Variants in OPCML observed in about 807,000 individuals in gnomAD.
OPCML encodes opioid-binding protein/cell adhesion molecule.
In OPCML, 13 loss-of-function variants were observed where a neutral mutation model predicts 37.8. That is an observed-to-expected ratio of 0.34 (90% CI 0.22 to 0.55). The LOEUF is 0.55. Among genes scored for constraint, OPCML ranks in the 20% least tolerant of loss-of-function variants. The pLI is 0.91. For missense variants in OPCML, 341 were observed against 435.6 expected, an observed-to-expected ratio of 0.78 and a Z score of 1.93; for synonymous variants, 176 against 168.8, an observed-to-expected ratio of 1.04 and a Z score of -0.33.
chr11:133,324,659 G>A (rs890457595), intron 1 of OPCML, among the ~76,000 whole-genome samples: 1 of 152,162 alleles, frequency 6.6e-6, no homozygotes, highest in Non-Finnish European at 1.5e-5. Context: ...GGCAGCGGGG[G>A]CAGGCCTTGT....
At chr11:132,903,231 A>G (rs1944124691) in intron 2 of OPCML, among the ~76,000 whole-genome samples, 1 of 152,232 alleles carries the variant, frequency 6.6e-6, no homozygotes, top group Non-Finnish European at 1.5e-5. Context: ...CAAAGAGGGC[A>G]GAAGGGAAGC....
intron 3 of OPCML, among the ~76,000 whole-genome samples, chr11:132,567,228 A>G (rs763208782): frequency 1.3e-5 from 2 of 152,108 alleles, no homozygotes; most frequent in Admixed American, 6.5e-5. Flanking sequence ...CCCAGTTCTC[A>G]TGGTGAAAAA....
At chr11:133,039,606 A>G (rs1947847910) in intron 1 of OPCML, among the ~76,000 whole-genome samples, 1 of 152,096 alleles carries the variant, frequency 6.6e-6, no homozygotes, top group Non-Finnish European at 1.5e-5. Flanking sequence ...CATTACAAGA[A>G]GCTCCCCAGA....
At chr11:132,619,765 T>C (rs893964034) in intron 3 of OPCML, among the ~76,000 whole-genome samples, 18 of 145,252 alleles carry the variant, frequency 1.2e-4, no homozygotes, top group Non-Finnish European at 2.4e-4. Context: ...GGCAGGAGAA[T>C]GGCATGAACC....
chr11:132,810,623 G>A (rs1939286293), intron 2 of OPCML, among the ~76,000 whole-genome samples: 1 of 152,168 alleles, frequency 6.6e-6, no homozygotes, highest in South Asian at 2.1e-4. Flanking sequence ...CCTGGGAGGT[G>A]GAGATTGCAG....
At chr11:132,794,857 A>G (rs1030579282) in intron 2 of OPCML, among the ~76,000 whole-genome samples, 1 of 151,818 alleles carries the variant, frequency 6.6e-6, no homozygotes, top group East Asian at 1.9e-4. Context: ...AGTGAACCCA[A>G]TTTGACCTAT....
intron 2 of OPCML, among the ~76,000 whole-genome samples, chr11:132,784,252 G>T (rs999945085): frequency 6.6e-6 from 1 of 152,154 alleles, no homozygotes; most frequent in South Asian, 2.1e-4. Flanking sequence ...ACTAACCAAG[G>T]CTTGATTAAT....
chr11:132,559,780 C>T (rs1473108589), intron 3 of OPCML, among the ~76,000 whole-genome samples: 2 of 152,122 alleles, frequency 1.3e-5, no homozygotes, highest in Non-Finnish European at 2.9e-5. Context: ...TGTCCTGTTC[C>T]TCCTAGTGCC....
chr11:133,071,061 G>A (rs552416762), intron 1 of OPCML, among the ~76,000 whole-genome samples: 3 of 152,308 alleles, frequency 2.0e-5, no homozygotes, highest in South Asian at 4.1e-4. Context: ...CGTTCTTAGA[G>A]GCTCCAATGA....
At chr11:132,892,754 C>A (rs1047701428) in intron 2 of OPCML, among the ~76,000 whole-genome samples, 2 of 151,964 alleles carry the variant, frequency 1.3e-5, no homozygotes, top group African/African-American at 2.4e-5. Context: ...GCGACAAGAG[C>A]AAGACTCCAT....
intron 7 of OPCML, among the ~76,000 whole-genome samples, chr11:132,434,961 CCA>C (rs1401722158): frequency 6.6e-6 from 1 of 152,136 alleles, no homozygotes; most frequent in Admixed American, 6.5e-5. Flanking sequence ...TAAAGCTATT[CCA>C]CAGAGTGCAT....
chr11:133,310,449 C>A (rs540013987), intron 1 of OPCML, among the ~76,000 whole-genome samples: 1 of 152,210 alleles, frequency 6.6e-6, no homozygotes, highest in South Asian at 2.1e-4. Flanking sequence ...AGGTAATTGG[C>A]AGAATGGATA....
chr11:133,523,476 C>T (rs1030265375), intron 1 of OPCML, among the ~76,000 whole-genome samples: 6 of 152,190 alleles, frequency 3.9e-5, no homozygotes, highest in African/African-American at 1.4e-4. Flanking sequence ...TTCCAAGGCA[C>T]AGCCATCTCC....
At chr11:133,375,563 C>A (rs988214656) in intron 1 of OPCML, among the ~76,000 whole-genome samples, 4 of 152,162 alleles carry the variant, frequency 2.6e-5, no homozygotes, top group South Asian at 2.1e-4. Context: ...GGTCTGGGAT[C>A]ATGCCCTGAT....
intron 1 of OPCML, chr11:133,026,707 C>T (rs1947561704): frequency 8.7e-6 from 4 of 459,080 alleles, no homozygotes; most frequent in East Asian, 1.6e-4. Context: ...AGCAGTAATT[C>T]ATCTGCAACA....
intron 1 of OPCML, among the ~76,000 whole-genome samples, chr11:133,304,529 T>A (rs1942862619): frequency 6.6e-6 from 1 of 152,196 alleles, no homozygotes; most frequent in Admixed American, 6.5e-5. Context: ...GATACCACCA[T>A]GTGCTTGGCC....
chr11:133,033,762 G>T (rs1591933168), intron 1 of OPCML, among the ~76,000 whole-genome samples: 1 of 152,142 alleles, frequency 6.6e-6, no homozygotes, highest in Non-Finnish European at 1.5e-5. Context: ...GCAGCTAGTG[G>T]TTATAGATAT....
At chr11:132,672,521 C>T in intron 2 of OPCML, among the ~76,000 whole-genome samples, 1 of 152,240 alleles carries the variant, frequency 6.6e-6, no homozygotes, top group East Asian at 1.9e-4. Context: ...CATCTCCCTC[C>T]TTGCTCTCTG....
intron 4 of OPCML, among the ~76,000 whole-genome samples, chr11:132,526,706 A>T (rs940183584): frequency 6.6e-6 from 1 of 152,198 alleles, no homozygotes; most frequent in African/African-American, 2.4e-5. Flanking sequence ...TCAGATCATT[A>T]TTGTCTACAT....
Sources: gnomAD v4.1 joint callset for allele counts (sites outside exome capture counted in the v4.1 genomes callset) on GRCh38, gnomAD v4.1.1 for gene constraint, MANE v1.5 for transcripts, NCBI Gene and HGNC (gene_info 2026-07-23, HGNC 2026-07-21) for gene names.